DPF3: variants seen among roughly 807,000 people sequenced by gnomAD.
DPF3 encodes zinc finger protein DPF3.
A neutral mutation model predicts 56.8 loss-of-function variants in DPF3; 18 were observed. The ratio of observed to expected loss-of-function variants is 0.32; its 90% CI spans 0.22 to 0.47. The LOEUF (loss-of-function observed/expected upper bound fraction) is 0.47, where lower values mean the gene tolerates loss of function less well. Ranked by LOEUF, DPF3 falls within the 20% of genes least tolerant of loss-of-function variation. The pLI is 1.00. For synonymous variants in DPF3, 188 were observed against 180.2 expected (o/e 1.04, Z -0.35); for missense variants, 403 against 488.8 (o/e 0.82, Z 1.65).
intron 5 of DPF3, among the ~76,000 whole-genome samples, chr14:72,716,072 G>A (rs757536979): frequency 3.3e-5 from 5 of 151,744 alleles, no homozygotes; most frequent in East Asian, 3.9e-4. Flanking sequence ...TGTCACAGCC[G>A]CCTCTGAGCA....
chr14:72,698,123 C>T (rs967226536), intron 6 of DPF3, among the ~76,000 whole-genome samples: 4 of 152,200 alleles, frequency 2.6e-5, no homozygotes, highest in African/African-American at 9.6e-5. Flanking sequence ...AAAATTACAA[C>T]CTTAGTTTTT....
chr14:72,766,248 A>T (rs1180571463), intron 2 of DPF3, among the ~76,000 whole-genome samples: 1 of 152,198 alleles, frequency 6.6e-6, no homozygotes, highest in African/African-American at 2.4e-5. Context: ...TGAAATAGAT[A>T]CACTTTTTTA....
intron 2 of DPF3, among the ~76,000 whole-genome samples, chr14:72,767,865 G>A (rs183966553): frequency 2.7e-4 from 41 of 150,378 alleles, no homozygotes; most frequent in African/African-American, 8.8e-4. Flanking sequence ...TCAAAATCAC[G>A]TTTCTGAAAC....
At chr14:72,794,920 C>T (rs1892574435) in intron 1 of DPF3, among the ~76,000 whole-genome samples, 1 of 152,046 alleles carries the variant, frequency 6.6e-6, no homozygotes, top group African/African-American at 2.4e-5. Context: ...GTCACTTCTA[C>T]CTCCACTTCC....
chr14:72,670,759 C>T, intron 8 of DPF3: 1 of 1,022,042 alleles, frequency 9.8e-7, no homozygotes, highest in Non-Finnish European at 1.2e-6. Context: ...TCTTCTCTTC[C>T]TTTTGCCAAT....
chr14:72,890,155 TG>T lies in DPF3; in HGVS notation c.32+3901del, dbSNP rs915219449. Among the ~76,000 whole-genome samples the T allele has an allele frequency of 9.7e-4, 147 of 152,246 alleles. 1 individual carries two copies. Among genetic ancestry groups the T allele is most frequent in the East Asian group, 9.6e-4 (5 of 5,192 alleles). ...TACTGATTGCAGATTTGGGGGAAGG[TG>T]GTTTATCTGAACTAGAATATTAAGA... is the stretch of plus-strand genomic sequence containing the variant. On this transcript the variant is annotated intron_variant, in intron 1 of 10. Coordinates refer to ENST00000556509, the MANE Select transcript of DPF3 (RefSeq NM_001280542.3).
intron 1 of DPF3, among the ~76,000 whole-genome samples, chr14:72,863,623 T>C (rs934408920): frequency 6.7e-6 from 1 of 150,290 alleles, no homozygotes; most frequent in African/African-American, 2.5e-5. Context: ...CATGCCTATA[T>C]AGAGTGGTCT....
At chr14:72,772,356 A>T (rs1891570721) in intron 1 of DPF3, among the ~76,000 whole-genome samples, 1 of 152,260 alleles carries the variant, frequency 6.6e-6, no homozygotes. Context: ...CAGCAAAGAT[A>T]CTCAGTTTTC....
rs57171669 is a variant in DPF3 at position 72,863,146 on chromosome 14, A to ATGTGTG, written c.32+30905_32+30910dup. 2.3e-3 allele frequency among the ~76,000 whole-genome samples: 324 copies of ATGTGTG among 140,722 alleles called. 2 individuals carry two copies. Among genetic ancestry groups the ATGTGTG allele is most frequent in the Non-Finnish European group, 2.5e-3 (166 of 65,524 alleles). 92.3% of individuals were successfully genotyped at this position (140,722 alleles called of 152,430 possible). On this transcript the variant is annotated intron_variant, in intron 1 of 10. Transcript: ENST00000556509. ...TGTGTGTGTGTGTGTGTATATATATATGTGTGTGTGTGTGTGTGTGTGTGT... is the reference window on the plus strand; with the variant it reads ...TGTGTGTGTGTGTGTGTATATATATATGTGTGTGTGTGTGTGTGTGTGTGTGTGTGT...
chr14:72,705,090 C>A (rs1370368703), intron 6 of DPF3, among the ~76,000 whole-genome samples: 2 of 152,178 alleles, frequency 1.3e-5, no homozygotes, highest in East Asian at 3.9e-4. Context: ...TAGACTGACA[C>A]CTGGACTGCA....
intron 6 of DPF3, among the ~76,000 whole-genome samples, chr14:72,694,829 G>A (rs990981148): frequency 6.6e-6 from 1 of 152,156 alleles, no homozygotes; most frequent in Non-Finnish European, 1.5e-5. Flanking sequence ...TCCTGCTATA[G>A]AGTTTTATTA....
chr14:72,723,568 C>G (rs1889270407), intron 5 of DPF3, 65 bp downstream of exon 5: 1 of 1,345,186 alleles, frequency 7.4e-7, no homozygotes, highest in African/African-American at 1.5e-5. Context: ...CAGTGGAGAT[C>G]AATCGTTGGC....
At chr14:72,800,881 T>G (rs752165110) in intron 1 of DPF3, among the ~76,000 whole-genome samples, 2 of 152,192 alleles carry the variant, frequency 1.3e-5, no homozygotes, top group Non-Finnish European at 2.9e-5. Flanking sequence ...ATGATACAAC[T>G]AAAGAATTAA....
At chr14:72,655,728 G>A (rs558912055) in intron 8 of DPF3, among the ~76,000 whole-genome samples, 1 of 152,308 alleles carries the variant, frequency 6.6e-6, no homozygotes, top group Non-Finnish European at 1.5e-5. Context: ...ATATAAACAA[G>A]CCTAGAAATG....
chr14:72,772,092 T>A (rs1891558252), intron 1 of DPF3, among the ~76,000 whole-genome samples, 199 bp from the exon 2 acceptor site: 1 of 152,240 alleles, frequency 6.6e-6, no homozygotes, highest in Non-Finnish European at 1.5e-5. Context: ...TTTTATTTTC[T>A]ATCCCAAATC....
intron 1 of DPF3, among the ~76,000 whole-genome samples, chr14:72,833,099 G>A (rs1371045959): frequency 6.6e-6 from 1 of 152,188 alleles, no homozygotes; most frequent in Non-Finnish European, 1.5e-5. Context: ...GATCATTCTG[G>A]CAGAGTACAG....
intron 4 of DPF3, among the ~76,000 whole-genome samples, chr14:72,724,325 C>T (rs539180595): frequency 6.6e-6 from 1 of 151,834 alleles, no homozygotes; most frequent in Admixed American, 6.6e-5. Flanking sequence ...CTCTCTCCAG[C>T]AGCCCGCCAG....
chr14:72,722,510 C>G (rs1254631556), intron 5 of DPF3, among the ~76,000 whole-genome samples: 2 of 152,216 alleles, frequency 1.3e-5, no homozygotes, highest in Non-Finnish European at 2.9e-5. Context: ...AATAAGCTCT[C>G]TCAGTGATCC....
rs536700007 is a variant in DPF3 at position 72,891,804 on chromosome 14, C to T, written c.32+2253G>A. Reference sequence around the variant, plus strand: ...TTATAAATGACCAAGCAACTCCCACCTAGAAAAAGCAAGCAGGGGCGTTGT... The same window carrying T: ...TTATAAATGACCAAGCAACTCCCACTTAGAAAAAGCAAGCAGGGGCGTTGT... On this transcript the variant is annotated intron_variant, in intron 1 of 10. Transcript: ENST00000556509. Among the ~76,000 whole-genome samples, 22 of 152,174 alleles carry T rather than the reference C, an allele frequency of 1.4e-4. No homozygotes were observed. The South Asian group carries it at 4.4e-3, about 30-fold the overall frequency.
Sources: allele counts gnomAD v4.1 joint callset (sites outside exome capture counted in the v4.1 genomes callset), GRCh38; gene constraint gnomAD v4.1.1; transcripts MANE v1.5; gene names NCBI Gene and HGNC (gene_info 2026-07-23, HGNC 2026-07-21).